Variants in BCL2L13 observed in about 807,000 individuals in gnomAD.
BCL2L13 encodes bcl-2-like protein 13.
BCL2L13 carries 13 observed loss-of-function variants against 25.8 expected under a neutral mutation model. The ratio of observed to expected loss-of-function variants is 0.50; its 90% CI spans 0.33 to 0.80. The LOEUF (loss-of-function observed/expected upper bound fraction) is 0.80, where lower values mean the gene tolerates loss of function less well. Ranked by LOEUF, BCL2L13 falls within the 30% of genes least tolerant of loss-of-function variation. The pLI, the probability that BCL2L13 is intolerant of heterozygous loss-of-function variation, is 0.02. For synonymous variants in BCL2L13, 244 were observed against 230.3 expected (o/e 1.06, Z -0.54); for missense variants, 504 against 574.9 (o/e 0.88, Z 1.26).
intron 6 of BCL2L13, among the ~76,000 whole-genome samples, chr22:17,725,718 T>C (rs2061276819): frequency 6.6e-6 from 1 of 152,116 alleles, no homozygotes; most frequent in Non-Finnish European, 1.5e-5. Context: ...AGGGTGAGTA[T>C]CCCTTATCCA....
At chr22:17,668,104 A>G (rs557540840) in intron 2 of BCL2L13, among the ~76,000 whole-genome samples, 8 of 147,684 alleles carry the variant, frequency 5.4e-5, no homozygotes, top group African/African-American at 2.0e-4. Flanking sequence ...TCCGTCTCCC[A>G]GCTTCAAGCA....
At chr22:17,644,780 A>G (rs1488341630) in intron 1 of BCL2L13, among the ~76,000 whole-genome samples, 1 of 149,536 alleles carries the variant, frequency 6.7e-6, no homozygotes, top group African/African-American at 2.5e-5. Context: ...CTAAATTAGT[A>G]TATCTAATGT....
chr22:17,710,177 T>C (rs1335379250), intron 6 of BCL2L13, among the ~76,000 whole-genome samples: 1 of 152,050 alleles, frequency 6.6e-6, no homozygotes, highest in Non-Finnish European at 1.5e-5. Context: ...TTGTAAGACT[T>C]CTTACATAAC....
chr22:17,672,895 A>G (rs1009817836), intron 2 of BCL2L13, among the ~76,000 whole-genome samples: 1 of 152,084 alleles, frequency 6.6e-6, no homozygotes, highest in African/African-American at 2.4e-5. Flanking sequence ...GGGTGTATGT[A>G]TGTTTTGGGT....
intron 6 of BCL2L13, among the ~76,000 whole-genome samples, chr22:17,718,199 T>C (rs1158899059): frequency 1.3e-5 from 2 of 151,880 alleles, no homozygotes; most frequent in Admixed American, 6.6e-5. Context: ...TACATTAGAG[T>C]AATACCAGAA....
chr22:17,712,857 A>T (rs186834090), intron 6 of BCL2L13, among the ~76,000 whole-genome samples: 1 of 152,260 alleles, frequency 6.6e-6, no homozygotes, highest in South Asian at 2.1e-4. Flanking sequence ...TGTTATGGTG[A>T]CTTACCAAGA....
At chr22:17,706,943 T>TG (rs2060611231) in intron 6 of BCL2L13, 1 of 734,440 alleles carries the variant, frequency 1.4e-6, no homozygotes, top group African/African-American at 1.8e-5. Context: ...TTGTAATATT[T>TG]AAGTATTTTG....
chr22:17,673,361 CTTTTTT>C (rs35861622), intron 2 of BCL2L13, among the ~76,000 whole-genome samples: 2 of 115,510 alleles, frequency 1.7e-5, no homozygotes, highest in Non-Finnish European at 3.5e-5. Flanking sequence ...TCTTTTCTTT[CTTTTTT>C]TTTTTTTTTT....
chr22:17,649,122 C>CG, intron 1 of BCL2L13, among the ~76,000 whole-genome samples: 1 of 150,744 alleles, frequency 6.6e-6, no homozygotes, highest in East Asian at 1.9e-4. Flanking sequence ...TTTTGGGAGA[C>CG]GGAGTCTAGC....
At chr22:17,650,552 T>G (rs2058649673) in intron 1 of BCL2L13, among the ~76,000 whole-genome samples, 3 of 152,178 alleles carry the variant, frequency 2.0e-5, no homozygotes, top group Non-Finnish European at 2.9e-5. Flanking sequence ...CAAAGAAGAC[T>G]GAAAATTTAC....
intron 2 of BCL2L13, among the ~76,000 whole-genome samples, chr22:17,681,315 G>C (rs561855697): frequency 6.3e-4 from 96 of 151,954 alleles, no homozygotes; most frequent in African/African-American, 2.2e-3. Context: ...GACCATCCTG[G>C]CTAACACGCT....
At chr22:17,654,385 G>A (rs1250505716) in intron 1 of BCL2L13, among the ~76,000 whole-genome samples, 1 of 151,084 alleles carries the variant, frequency 6.6e-6, no homozygotes, top group East Asian at 1.9e-4. Flanking sequence ...TTATGGGTAT[G>A]AGCCAGCACA....
chr22:17,688,791 G>A (rs150679387), intron 3 of BCL2L13, among the ~76,000 whole-genome samples, 195 bp from the exon 4 acceptor site: 2,134 of 149,334 alleles, frequency 0.014, 55 homozygotes, highest in African/African-American at 0.049. Context: ...TTTTGAGACG[G>A]AGTTTCCCTC....
rs1048252038 is a variant in BCL2L13 at position 17,705,919 on chromosome 22, G to A, written c.600+3533G>A. 8.1e-4 allele frequency among the ~76,000 whole-genome samples: 123 copies of A among 152,328 alleles called. 1 individual carries two copies. Among genetic ancestry groups the A allele is most frequent in the Middle Eastern group, 3.4e-3 (1 of 294 alleles). Reference sequence around the variant, plus strand: ...AGCAGCCATAATCTGTTGGATGAATGGAGTGATATAGCACATAGTCAGTTA... The same window carrying A: ...AGCAGCCATAATCTGTTGGATGAATAGAGTGATATAGCACATAGTCAGTTA... On this transcript the variant is annotated intron_variant, in intron 6 of 6. Coordinates refer to ENST00000317582, the MANE Select transcript of BCL2L13 (RefSeq NM_015367.4).
At chr22:17,653,495 A>ATTTTT (rs34652783) in intron 1 of BCL2L13, among the ~76,000 whole-genome samples, 8 of 110,712 alleles carry the variant, frequency 7.2e-5, no homozygotes, top group African/African-American at 2.2e-4. Flanking sequence ...CTCCAGTATG[A>ATTTTT]TTTTTTTTTT....
In BCL2L13 at chr22:17,685,760, C is replaced by CTTTTTTTTTTTTTTTTT. The variant is rs1166792513; in HGVS notation, c.229+2452_229+2468dup. 7.6e-4 allele frequency among the ~76,000 whole-genome samples: 46 copies of CTTTTTTTTTTTTTTTTT among 60,566 alleles called. 17 individuals are homozygous for CTTTTTTTTTTTTTTTTT. Among genetic ancestry groups the CTTTTTTTTTTTTTTTTT allele is most frequent in the East Asian group, 2.0e-3 (4 of 1,994 alleles). The allele number at this position is 60,566 out of a possible 152,430, so 39.7% of individuals were successfully genotyped here. A position where few individuals can be genotyped will look rare whatever the true frequency, so the allele number is the denominator to read the frequency against. On this transcript the variant is annotated intron_variant, in intron 3 of 6. Transcript: ENST00000317582. ...TATTGCCCAATAATTTTTTCTTTTT[C>CTTTTTTTTTTTTTTTTT]TTTTTTTTTTTTTTTTTTTTTTTTT... is the stretch of plus-strand genomic sequence containing the variant.
intron 5 of BCL2L13, among the ~76,000 whole-genome samples, chr22:17,696,892 G>A (rs1163626168): frequency 1.3e-5 from 2 of 152,098 alleles, no homozygotes; most frequent in Non-Finnish European, 2.9e-5. Context: ...GGTATAGGGG[G>A]ATGCAGTATA....
At chr22:17,725,770 T>C (rs2061279096) in intron 6 of BCL2L13, among the ~76,000 whole-genome samples, 1 of 151,924 alleles carries the variant, frequency 6.6e-6, no homozygotes, top group Non-Finnish European at 1.5e-5. Context: ...TAATTTTTTT[T>C]TTTTTGATTT....
At position 17,673,388 on chromosome 22, in the gene BCL2L13, G is replaced by A. The variant is rs578237630; in HGVS notation, c.122-9826G>A. 5.1e-5 allele frequency among the ~76,000 whole-genome samples: 7 copies of A among 136,880 alleles called. No individual in the cohort carries two copies. The East Asian group carries it at 1.5e-3, about 29-fold the overall frequency. The allele number at this position is 136,880 out of a possible 152,430, so 89.8% of individuals were successfully genotyped here. ...TTTTTTTTTTTTTTTTTGAGACAGA[G>A]CCTCACTCCGTCACTGTCACCCAGG... is the stretch of plus-strand genomic sequence containing the variant. On this transcript the variant is annotated intron_variant, in intron 2 of 6. Transcript: ENST00000317582.
Sources: allele counts gnomAD v4.1 joint callset (sites outside exome capture counted in the v4.1 genomes callset), GRCh38; gene constraint gnomAD v4.1.1; transcripts MANE v1.5; gene names NCBI Gene and HGNC (gene_info 2026-07-23, HGNC 2026-07-21).